The following EFCAB7 variants were observed in gnomAD, a reference collection of about 807,000 sequenced individuals.
The protein encoded by EFCAB7 is EF-hand calcium-binding domain-containing protein 7.
In EFCAB7, 66 loss-of-function variants were observed where a neutral mutation model predicts 77.1. That is an observed-to-expected ratio of 0.86 (90% CI 0.70 to 1.05). The LOEUF (loss-of-function observed/expected upper bound fraction) is 1.05. EFCAB7 is among the 50% of genes least tolerant of loss of function. The probability of loss-of-function intolerance (pLI) is 0.00; values close to 1 mark genes in which losing one functional copy is unlikely to be tolerated. For synonymous variants in EFCAB7, 225 were observed against 243.3 expected, an observed-to-expected ratio of 0.92 and a Z score of 0.70; for missense variants, 638 against 730.5, an observed-to-expected ratio of 0.87 and a Z score of 1.46.
At chr1:63,556,995 G>T (rs868540299) in intron 9 of EFCAB7, 119 bp from the exon 10 acceptor site, 1 of 735,568 alleles carries the variant, frequency 1.4e-6, no homozygotes, top group Middle Eastern at 5.0e-4. Flanking sequence ...CCGAGATCAC[G>T]CCACTGCACT....
At chr1:63,556,310 T>A (rs1647029664) in intron 9 of EFCAB7, among the ~76,000 whole-genome samples, 1 of 152,192 alleles carries the variant, frequency 6.6e-6, no homozygotes, top group African/African-American at 2.4e-5. Context: ...GTTAATTAGC[T>A]TTAGTCATTT....
chr1:63,551,745 T>G lies in EFCAB7; in HGVS notation c.967T>G (p.Ser323Ala), dbSNP rs199761891. Residue 323 changes from serine (S) to alanine (A), a missense_variant, in exon 8 of 14, where the codon TCC becomes GCC. By Grantham distance (99) the Ser-to-Ala change is moderately conservative. Coordinates refer to ENST00000371088, the MANE Select transcript of EFCAB7 (RefSeq NM_032437.4). ...TGTAGGAAAACCATCCCCTTGGTTA[T>G]CCGTTGATACTGCCTTGTATATTCT... ...QVEGKPSPWL[S>A]VDTALYILKE... 1 of 1,553,026 alleles carries G rather than the reference T, an allele frequency of 6.4e-7. No homozygotes were observed. The highest frequency in any genetic ancestry group is 8.7e-7 in the Non-Finnish European group (1 of 1,151,742).
the EFCAB7 span, among the ~76,000 whole-genome samples, chr1:63,578,575 G>GGGAC: frequency 3.3e-5 from 5 of 151,854 alleles, no homozygotes; most frequent in African/African-American, 1.2e-4. Context: ...CCGAGTAGCT[G>GGGAC]GGACTACAGG....
chr1:63,551,462 A>G (rs891818971), intron 7 of EFCAB7, among the ~76,000 whole-genome samples: 5 of 152,130 alleles, frequency 3.3e-5, no homozygotes, highest in Non-Finnish European at 1.5e-5. Context: ...GTGGTGGCAC[A>G]TGCCTGTAGT....
intron 8 of EFCAB7, 179 bp downstream of exon 8, chr1:63,552,013 A>G: frequency 5.1e-6 from 1 of 195,288 alleles, no homozygotes; most frequent in Non-Finnish European, 1.0e-5. Flanking sequence ...AAATTAAATT[A>G]AATAATTATA....
downstream of EFCAB7, among the ~76,000 whole-genome samples, chr1:63,576,639 G>C (rs1427418869): frequency 6.6e-6 from 1 of 151,462 alleles, no homozygotes; most frequent in African/African-American, 2.4e-5. Context: ...GGCCAACCTG[G>C]TGAAAGCCCC....
intron 6 of EFCAB7, among the ~76,000 whole-genome samples, chr1:63,543,373 G>A (rs1490727085): frequency 6.6e-6 from 1 of 152,150 alleles, no homozygotes; most frequent in Non-Finnish European, 1.5e-5. Flanking sequence ...CAGAAAGTCT[G>A]AGTCCTCTAG....
chr1:63,584,867 C>T, the EFCAB7 span, among the ~76,000 whole-genome samples: 1 of 152,150 alleles, frequency 6.6e-6, no homozygotes, highest in Non-Finnish European at 1.5e-5. Flanking sequence ...AGATTTTCCA[C>T]TTGTGGGGGT....
chr1:63,548,391 T>C (rs1376194111), intron 7 of EFCAB7: 2 of 152,344 alleles, frequency 1.3e-5, no homozygotes, highest in Middle Eastern at 6.8e-3. Flanking sequence ...GATTTTATCT[T>C]AATCTTTCAT....
At chr1:63,553,718 T>G (rs1180715667) in intron 8 of EFCAB7, among the ~76,000 whole-genome samples, 1 of 152,206 alleles carries the variant, frequency 6.6e-6, no homozygotes, top group Non-Finnish European at 1.5e-5. Flanking sequence ...TTAAGAAGAT[T>G]ATGATTTCTC....
At chr1:63,545,529 C>T (rs556278440) in intron 6 of EFCAB7, among the ~76,000 whole-genome samples, 3 of 152,012 alleles carry the variant, frequency 2.0e-5, no homozygotes, top group East Asian at 1.9e-4. Flanking sequence ...TACAATGGCG[C>T]GATCTCGGCT....
intron 12 of EFCAB7, 40 bp downstream of exon 12, chr1:63,568,559 G>A (rs761353852): frequency 2.0e-6 from 3 of 1,487,970 alleles, no homozygotes; most frequent in Non-Finnish European, 2.8e-6. Context: ...TTGCTACAAA[G>A]CTTACTAATA....
At chr1:63,544,285 C>T (rs76564206) in intron 6 of EFCAB7, among the ~76,000 whole-genome samples, 11,400 of 151,858 alleles carry the variant, frequency 0.075, 1,409 homozygotes, top group African/African-American at 0.26. Context: ...TTACTCATTT[C>T]TAGTTATGAG....
Position 63,565,424 on chromosome 1 carries a change from TA to T in EFCAB7, c.1498-2881del, listed in dbSNP as rs565051267. Reference sequence around the variant, plus strand: ...GACTGAAATGTAAAACCCAAAAGTGTAAAAACTCTGAGAGACAACCTAGGCA... The same window carrying T: ...GACTGAAATGTAAAACCCAAAAGTGTAAAACTCTGAGAGACAACCTAGGCA... On this transcript the variant is annotated intron_variant, in intron 11 of 13. Coordinates refer to ENST00000371088, the MANE Select transcript of EFCAB7 (RefSeq NM_032437.4). Among the ~76,000 whole-genome samples, 88 of 150,956 alleles carry T rather than the reference TA, an allele frequency of 5.8e-4. 4 individuals are homozygous for T. The South Asian group carries it at 0.018, about 31-fold the overall frequency.
chr1:63,562,477 ATATATATATATATAT>A (rs1647118514), intron 11 of EFCAB7, among the ~76,000 whole-genome samples: 3 of 83,108 alleles, frequency 3.6e-5, no homozygotes, highest in African/African-American at 1.8e-4. Context: ...ATATATATAT[ATATATATATATATAT>A]ATAAAACTTT....
intron 1 of EFCAB7, among the ~76,000 whole-genome samples, chr1:63,524,412 G>A (rs900133211): frequency 6.6e-6 from 1 of 152,166 alleles, no homozygotes; most frequent in Admixed American, 6.5e-5. Context: ...GGCGGCCTGC[G>A]TATTATAAAT....
At chr1:63,565,834 T>C (rs968187568) in intron 11 of EFCAB7, among the ~76,000 whole-genome samples, 4 of 152,130 alleles carry the variant, frequency 2.6e-5, no homozygotes, top group Non-Finnish European at 5.9e-5. Context: ...TGGCTATTAT[T>C]AAAAAGTCAA....
rs1557687285 is a variant in EFCAB7, at chr1:63,562,480, TATATATATATATATAA to T, written c.1497+625_1497+640del. ...ATATATATATATATATATATATATA[TATATATATATATATAA>T]AACTTTTTTTTTTTTTAATTTGAGA... is the stretch of plus-strand genomic sequence containing the variant. On this transcript the variant is annotated intron_variant, in intron 11 of 13. Coordinates refer to ENST00000371088, the MANE Select transcript of EFCAB7 (RefSeq NM_032437.4). Among the ~76,000 whole-genome samples the T allele has an allele frequency of 4.4e-4, 42 of 95,620 alleles. 3 individuals are homozygous for T. Among genetic ancestry groups the T allele is most frequent in the African/African-American group, 1.9e-3 (40 of 20,732 alleles). 62.7% of individuals were successfully genotyped at this position (95,620 alleles called of 152,430 possible). A position where few individuals can be genotyped will look rare whatever the true frequency, so the allele number is the denominator to read the frequency against.
intron 1 of EFCAB7, among the ~76,000 whole-genome samples, chr1:63,524,640 T>C (rs76751599): frequency 0.016 from 2,490 of 152,318 alleles, 26 homozygotes; most frequent in Non-Finnish European, 0.027. Context: ...TAGAGTAATA[T>C]TGGAAGCTGT....
Sources: allele counts gnomAD v4.1 joint callset (sites outside exome capture counted in the v4.1 genomes callset), GRCh38; gene constraint gnomAD v4.1.1; transcripts MANE v1.5; gene names NCBI Gene and HGNC (gene_info 2026-07-23, HGNC 2026-07-21).